The following AKAP3 variants were observed in gnomAD, a reference collection of about 807,000 sequenced individuals.
AKAP3 encodes A-kinase anchoring protein 3, also known as A-kinase anchor protein 3.
Under a neutral mutation model 57.2 loss-of-function variants are expected in AKAP3, and 27 were observed. That is an observed-to-expected ratio of 0.47 (90% CI 0.35 to 0.65). The LOEUF (loss-of-function observed/expected upper bound fraction) is 0.65. AKAP3 is among the 30% of genes least tolerant of loss of function. The pLI is 0.01. For missense variants in AKAP3, 959 were observed against 1,040.0 expected, an observed-to-expected ratio of 0.92 and a Z score of 1.07; for synonymous variants, 334 against 392.3, an observed-to-expected ratio of 0.85 and a Z score of 1.76.
intron 4 of AKAP3, among the ~76,000 whole-genome samples, chr12:4,629,438 T>C (rs1022717282): frequency 6.6e-6 from 1 of 152,076 alleles, no homozygotes; most frequent in African/African-American, 2.4e-5. Flanking sequence ...TGAGAACACA[T>C]GGACACATAG....
chr12:4,624,313 TTACGTGTGTGTGTGTG>T (rs1290083108), intron 5 of AKAP3, among the ~76,000 whole-genome samples: 1 of 112,078 alleles, frequency 8.9e-6, no homozygotes. Context: ...ATTTGTGACT[TTACGTGTGTGTGTGTG>T]TGTGTGTGTG....
At chr12:4,634,064 A>G (rs1945534861) in intron 4 of AKAP3, among the ~76,000 whole-genome samples, 1 of 150,796 alleles carries the variant, frequency 6.6e-6, no homozygotes, top group Non-Finnish European at 1.5e-5. Context: ...TCTAATTCTG[A>G]ATTATTGTAG....
chr12:4,640,205 T>C (rs541413689), intron 3 of AKAP3, among the ~76,000 whole-genome samples: 1 of 152,322 alleles, frequency 6.6e-6, no homozygotes, highest in African/African-American at 2.4e-5. Flanking sequence ...AAAAAAACTC[T>C]GCTCAGATCT....
chr12:4,637,406 G>A lies in AKAP3; in HGVS notation c.96+695C>T, dbSNP rs545986042. Among the ~76,000 whole-genome samples the A allele has an allele frequency of 2.6e-5, 4 of 152,316 alleles. No individual in the cohort carries two copies. In the South Asian group the frequency reaches 8.3e-4, roughly 32 times the overall value. On this transcript the variant is annotated intron_variant, in intron 4 of 5. Coordinates refer to ENST00000228850, the MANE Select transcript of AKAP3 (RefSeq NM_001278309.2). ...AGCAGCTTTGGTTGAGGGAGAGCGAGCTCTTGTGAGTATTTACTTAGTTTC... is the reference window on the plus strand; with the variant it reads ...AGCAGCTTTGGTTGAGGGAGAGCGAACTCTTGTGAGTATTTACTTAGTTTC...
At position 4,628,770 on chromosome 12, in the gene AKAP3, C is replaced by T; in HGVS notation, c.132G>A (p.Trp44Ter). 6.2e-7 allele frequency: 1 copy of T among 1,612,492 alleles called. No individual in the cohort carries two copies. Among genetic ancestry groups the T allele is most frequent in the Non-Finnish European group, 8.5e-7 (1 of 1,178,662 alleles). Residue 44 changes from tryptophan (W) to a stop codon, truncating the protein, a stop_gained, in exon 5 of 6, where the codon TGG becomes TGA. Transcript: ENST00000228850. LOFTEE classifies it high-confidence loss of function. ...TSTDPVRVLS[W>*]LRRDLEKSTA... The stretch of plus-strand genomic sequence containing the variant: ...TACTCTTCTCCAGGTCTCTGCGGAG[C>T]CAGCTGAGCACTCTGACAGGATCCG...
At chr12:4,629,568 C>T (rs1945471653) in intron 4 of AKAP3, among the ~76,000 whole-genome samples, 1 of 152,160 alleles carries the variant, frequency 6.6e-6, no homozygotes, top group Non-Finnish European at 1.5e-5. Flanking sequence ...ATCTGTACAA[C>T]TACTCCCATG....
intron 4 of AKAP3, among the ~76,000 whole-genome samples, chr12:4,633,236 C>T (rs962354787): frequency 6.6e-6 from 1 of 151,120 alleles, no homozygotes; most frequent in East Asian, 2.0e-4. Flanking sequence ...CCAGCCTGGG[C>T]AACATGGCGA....
At chr12:4,616,994 T>TACCC (rs1945292900) in intron 5 of AKAP3, among the ~76,000 whole-genome samples, 2 of 151,792 alleles carry the variant, frequency 1.3e-5, no homozygotes, top group Non-Finnish European at 2.9e-5. Context: ...TAAAATAAAA[T>TACCC]AAACCCAAAC....
intron 5 of AKAP3, among the ~76,000 whole-genome samples, chr12:4,621,271 AATTT>A (rs1180426038): frequency 2.6e-5 from 4 of 152,160 alleles, no homozygotes; most frequent in Admixed American, 1.3e-4. Flanking sequence ...GTAAGCTGCT[AATTT>A]ATTATTGAAG....
At chr12:4,626,176 A>G (rs553388764) in intron 5 of AKAP3, among the ~76,000 whole-genome samples, 6 of 152,140 alleles carry the variant, frequency 3.9e-5, no homozygotes, top group Admixed American at 1.3e-4. Flanking sequence ...TGTCCTATCC[A>G]AAACTCAGCC....
Position 4,628,736 on chromosome 12 carries a change from A to G in AKAP3, c.166T>C (p.Phe56Leu), listed in dbSNP as rs1250673076. 6.2e-7 allele frequency: 1 copy of G among 1,614,010 alleles called. No individual in the cohort carries two copies. The highest frequency in any genetic ancestry group is 1.7e-5 in the Admixed American group (1 of 60,006). Residue 56 changes from phenylalanine (F) to leucine (L), a missense_variant, in exon 5 of 6, where the codon TTC becomes CTC. Coordinates refer to ENST00000228850, the MANE Select transcript of AKAP3 (RefSeq NM_001278309.2). Reference sequence around the variant, plus strand: ...CCGGGTTTGAACCGAACATCTTGGAACTCTGCTGTACTCTTCTCCAGGTCT... The same window carrying G: ...CCGGGTTTGAACCGAACATCTTGGAGCTCTGCTGTACTCTTCTCCAGGTCT... ...RRDLEKSTAE[F>L]QDVRFKPGES...
At position 4,627,353 on chromosome 12, in the gene AKAP3, T is replaced by A. The variant is rs756373516; in HGVS notation, c.1549A>T (p.Met517Leu). The change falls in exon 5 of 6, where the codon ATG (methionine) becomes TTG (leucine). Residue 517 changes from methionine (M) to leucine (L), a missense_variant. Coordinates refer to ENST00000228850, the MANE Select transcript of AKAP3 (RefSeq NM_001278309.2). ...TCGGCCCAGGAGTCTGAATCATACATAAAATTCTCAGGTTTCTCTGGAGGA... is the reference window on the plus strand; with the variant it reads ...TCGGCCCAGGAGTCTGAATCATACAAAAAATTCTCAGGTTTCTCTGGAGGA... ...PYPPEKPENFMYDSDSWAEDL... is the reference protein window; with the variant it reads ...PYPPEKPENFLYDSDSWAEDL... The A allele has an allele frequency of 5.6e-6, 9 of 1,614,112 alleles. No individual in the cohort carries two copies. The East Asian group carries it at 8.9e-5, about 16-fold the overall frequency.
At position 4,625,207 on chromosome 12, in the gene AKAP3, TA is replaced by T. The variant is rs1945397667; in HGVS notation, c.2406+1288del. On this transcript the variant is annotated intron_variant, in intron 5 of 5. Transcript: ENST00000228850. This position sits in a 1 kb window ranked among gnomAD's most constrained non-coding sequence, Gnocchi z 5.4. ...AATATTGGAAGTTCACACTGTCTTC[TA>T]GCCTAACTTGAATGTGCACACAACT... Among the ~76,000 whole-genome samples, 1 of 152,198 alleles carries T rather than the reference TA, an allele frequency of 6.6e-6. No homozygotes were observed. Among genetic ancestry groups the T allele is most frequent in the Admixed American group, 6.5e-5 (1 of 15,278 alleles).
At chr12:4,646,464 A>G (rs972546035) in intron 1 of AKAP3, among the ~76,000 whole-genome samples, 4 of 152,250 alleles carry the variant, frequency 2.6e-5, no homozygotes, top group Admixed American at 2.6e-4. Context: ...AGAGGTCAGG[A>G]GTTCAGGACC....
intron 3 of AKAP3, among the ~76,000 whole-genome samples, chr12:4,639,855 C>CGAAAG (rs1945615726): frequency 7.5e-6 from 1 of 132,598 alleles, no homozygotes; most frequent in Non-Finnish European, 1.5e-5. Context: ...CTCGCTCTTT[C>CGAAAG]GCCCAGGCCG....
intron 5 of AKAP3, among the ~76,000 whole-genome samples, chr12:4,617,751 C>A (rs200061868): frequency 5.7e-3 from 670 of 117,962 alleles, no homozygotes; most frequent in Middle Eastern, 0.015. Context: ...GATTCTGTCT[C>A]AAAAAAAAAA....
chr12:4,631,481 T>C lies in AKAP3; in HGVS notation c.97-2676A>G. 4 of 598,892 alleles carry C rather than the reference T, an allele frequency of 6.7e-6. No homozygotes were observed. The South Asian group carries it at 8.3e-5, about 12-fold the overall frequency. 37.1% of individuals were successfully genotyped at this position (598,892 alleles called of 1,614,324 possible). A position where few individuals can be genotyped will look rare whatever the true frequency, so the allele number is the denominator to read the frequency against. ...CTCTATCAGTGTCTGTATCACTATG[T>C]GTCTGTAATTCAAAAAATGTTAGAT... is the stretch of plus-strand genomic sequence containing the variant. On this transcript the variant is annotated intron_variant, in intron 4 of 5. Transcript: ENST00000228850.
rs143324716 is a variant in AKAP3 at position 4,624,824 on chromosome 12, G to GTGTGTGTGTGTGTGTATA, written c.2406+1671_2406+1672insTATACACACACACACACA. ...AGTAGACAAAGGTGTGTGTGTGTGT[G>GTGTGTGTGTGTGTGTATA]TATATAAAAGTGGGGGACTGCAAGT... On this transcript the variant is annotated intron_variant, in intron 5 of 5. Coordinates refer to ENST00000228850, the MANE Select transcript of AKAP3 (RefSeq NM_001278309.2). 6.4e-5 allele frequency among the ~76,000 whole-genome samples: 9 copies of GTGTGTGTGTGTGTGTATA among 141,098 alleles called. No homozygotes were observed. The South Asian group carries it at 9.2e-4, about 14-fold the overall frequency. The allele number at this position is 141,098 out of a possible 152,430, so 92.6% of individuals were successfully genotyped here.
intron 4 of AKAP3, chr12:4,636,038 C>T (rs1182790265): frequency 1.1e-5 from 16 of 1,497,928 alleles, no homozygotes; most frequent in Non-Finnish European, 1.5e-5. Context: ...GGGCCTTTCA[C>T]AAAACGAAGC....
Sources: allele counts gnomAD v4.1 joint callset (sites outside exome capture counted in the v4.1 genomes callset), GRCh38; gene constraint gnomAD v4.1.1; non-coding constraint Gnocchi (gnomAD v3.1); transcripts MANE v1.5; gene names NCBI Gene and HGNC (gene_info 2026-07-23, HGNC 2026-07-21).